Variants in KCND2 observed in about 807,000 individuals in gnomAD.
KCND2 encodes potassium voltage-gated channel subfamily D member 2.
KCND2 carries 16 observed loss-of-function variants against 54.4 expected under a neutral mutation model. That is an observed-to-expected ratio of 0.29 (90% CI 0.20 to 0.45). The LOEUF (loss-of-function observed/expected upper bound fraction) is 0.45. KCND2 is among the 20% of genes least tolerant of loss of function. The pLI, the probability that KCND2 is intolerant of heterozygous loss-of-function variation, is 1.00. For synonymous variants in KCND2, 317 were observed against 310.7 expected, an observed-to-expected ratio of 1.02 and a Z score of -0.21; for missense variants, 486 against 824.2, an observed-to-expected ratio of 0.59 and a Z score of 5.02.
intron 1 of KCND2, among the ~76,000 whole-genome samples, chr7:120,694,831 A>G (rs1218752288): frequency 6.6e-6 from 1 of 152,120 alleles, no homozygotes; most frequent in African/African-American, 2.4e-5. Context: ...CAATCCAGCC[A>G]TGTTTTATTA....
At chr7:120,364,885 G>A (rs1800644689) in intron 1 of KCND2, among the ~76,000 whole-genome samples, 1 of 152,000 alleles carries the variant, frequency 6.6e-6, no homozygotes, top group African/African-American at 2.4e-5. Flanking sequence ...TGCACAGATG[G>A]GCCTAGGAGA....
chr7:120,472,826 A>G (rs547712367), intron 1 of KCND2, among the ~76,000 whole-genome samples: 13 of 152,350 alleles, frequency 8.5e-5, no homozygotes, highest in Non-Finnish European at 1.6e-4. Context: ...TAGGGAAGAC[A>G]TATAGGAACG....
chr7:120,550,529 C>T (rs575763979), intron 1 of KCND2, among the ~76,000 whole-genome samples: 4 of 152,192 alleles, frequency 2.6e-5, no homozygotes, highest in African/African-American at 9.6e-5. Flanking sequence ...GCTGATATAC[C>T]TGCAAATTTT....
At chr7:120,675,834 C>A (rs188657286) in intron 1 of KCND2, among the ~76,000 whole-genome samples, 3 of 149,254 alleles carry the variant, frequency 2.0e-5, no homozygotes, top group African/African-American at 7.4e-5. Context: ...AGCATAGTGT[C>A]TTCCTACTTG....
At chr7:120,315,390 T>C (rs1563006624) in intron 1 of KCND2, among the ~76,000 whole-genome samples, 1 of 152,126 alleles carries the variant, frequency 6.6e-6, no homozygotes, top group Non-Finnish European at 1.5e-5. Flanking sequence ...CTTCTCAGTG[T>C]CTCTAGGCGG....
intron 1 of KCND2, among the ~76,000 whole-genome samples, chr7:120,288,654 A>G (rs1318295133): frequency 1.3e-5 from 2 of 152,144 alleles, no homozygotes; most frequent in African/African-American, 2.4e-5. Flanking sequence ...GAACTGTCTT[A>G]CAAAAGGCTG....
chr7:120,459,673 G>T (rs1935862909), intron 1 of KCND2, among the ~76,000 whole-genome samples: 1 of 152,162 alleles, frequency 6.6e-6, no homozygotes, highest in African/African-American at 2.4e-5. Flanking sequence ...ATAAATGATT[G>T]AATAATAAGC....
intron 2 of KCND2, among the ~76,000 whole-genome samples, 178 bp downstream of exon 2, chr7:120,733,243 G>A (rs988460148): frequency 6.6e-6 from 1 of 152,040 alleles, no homozygotes; most frequent in Non-Finnish European, 1.5e-5. Context: ...AAAACAATAA[G>A]CAATATTTCT....
chr7:120,680,431 C>A (rs148407729), intron 1 of KCND2, among the ~76,000 whole-genome samples: 1 of 152,106 alleles, frequency 6.6e-6, no homozygotes, highest in African/African-American at 2.4e-5. Context: ...GTTTCATCGC[C>A]GTATAAATAA....
chr7:120,537,173 TAA>T (rs1791922258), intron 1 of KCND2, among the ~76,000 whole-genome samples: 1 of 152,224 alleles, frequency 6.6e-6, no homozygotes, highest in Non-Finnish European at 1.5e-5. Context: ...TTAGCAGGCA[TAA>T]AAACAGTGGT....
At chr7:120,396,158 AT>A (rs1801153026) in intron 1 of KCND2, among the ~76,000 whole-genome samples, 2 of 152,002 alleles carry the variant, frequency 1.3e-5, no homozygotes, top group Admixed American at 6.6e-5. Context: ...GTTTAATTTG[AT>A]TCATGGAGAC....
chr7:120,702,593 T>A (rs1248105293), intron 1 of KCND2, among the ~76,000 whole-genome samples: 1 of 152,214 alleles, frequency 6.6e-6, no homozygotes, highest in Non-Finnish European at 1.5e-5. Context: ...ATATACACCA[T>A]GGAATACTAT....
intron 1 of KCND2, among the ~76,000 whole-genome samples, chr7:120,578,938 A>G (rs1193761698): frequency 6.6e-6 from 1 of 151,962 alleles, no homozygotes; most frequent in Non-Finnish European, 1.5e-5. Flanking sequence ...ACACACACAC[A>G]CACGCACACA....
At chr7:120,731,795 C>T (rs1792810161) in intron 1 of KCND2, among the ~76,000 whole-genome samples, 1 of 152,096 alleles carries the variant, frequency 6.6e-6, no homozygotes, top group Non-Finnish European at 1.5e-5. Flanking sequence ...TGCACAGAGA[C>T]AACAAGACCA....
chr7:120,748,343 G>C lies in KCND2; in HGVS notation c.*485G>C, dbSNP rs1242041840. 6.4e-6 allele frequency: 1 copy of C among 155,280 alleles called. No homozygotes were observed. The highest frequency in any genetic ancestry group is 1.4e-5 in the Non-Finnish European group (1 of 70,012). The allele number at this position is 155,280 out of a possible 1,614,324, so 9.6% of individuals were successfully genotyped here. On this transcript the variant is annotated 3_prime_UTR_variant, in exon 6 of 6. Transcript: ENST00000331113. ...AAGGAAACCATCATAATGCATGCTAGAATTCTTTGAAGCAGTGATCTCAGT... is the reference window on the plus strand; with the variant it reads ...AAGGAAACCATCATAATGCATGCTACAATTCTTTGAAGCAGTGATCTCAGT...
chr7:120,444,196 C>T (rs1801986712), intron 1 of KCND2, among the ~76,000 whole-genome samples: 1 of 152,056 alleles, frequency 6.6e-6, no homozygotes, highest in Non-Finnish European at 1.5e-5. Context: ...TGCATAATTT[C>T]CACTTAAAAT....
At chr7:120,530,842 G>A (rs1791834961) in intron 1 of KCND2, among the ~76,000 whole-genome samples, 1 of 151,816 alleles carries the variant, frequency 6.6e-6, no homozygotes, top group South Asian at 2.1e-4. Flanking sequence ...TATTATTATT[G>A]TTATTATTTT....
At chr7:120,470,456 A>G (rs1474687185) in intron 1 of KCND2, among the ~76,000 whole-genome samples, 2 of 152,016 alleles carry the variant, frequency 1.3e-5, no homozygotes, top group East Asian at 1.9e-4. Flanking sequence ...CGTCTTCTTT[A>G]TGCAGATTAA....
At chr7:120,558,079 T>C (rs1792186180) in intron 1 of KCND2, among the ~76,000 whole-genome samples, 1 of 152,132 alleles carries the variant, frequency 6.6e-6, no homozygotes. Flanking sequence ...TTATTAATAA[T>C]TTTTTCACGG....
Sources: allele counts gnomAD v4.1 joint callset (sites outside exome capture counted in the v4.1 genomes callset), GRCh38; gene constraint gnomAD v4.1.1; transcripts MANE v1.5; gene names NCBI Gene and HGNC (gene_info 2026-07-23, HGNC 2026-07-21).